CSMD2: variants seen among roughly 807,000 people sequenced by gnomAD.
The protein encoded by CSMD2 is CUB and sushi domain-containing protein 2.
In CSMD2, 130 loss-of-function variants were observed where a neutral mutation model predicts 398.5. The observed-to-expected ratio is 0.33, with a 90% CI of 0.28 to 0.38. The LOEUF is 0.38. CSMD2 is among the 10% of genes least tolerant of loss of function. The probability of loss-of-function intolerance (pLI) is 1.00; values close to 1 mark genes in which losing one functional copy is unlikely to be tolerated. For missense variants in CSMD2, 3,829 were observed against 4,764.9 expected (o/e 0.80, Z 5.78); for synonymous variants, 1,828 against 1,908.5 (o/e 0.96, Z 1.10).
At chr1:33,992,631 G>GGCT (rs756675695) in intron 3 of CSMD2, among the ~76,000 whole-genome samples, 14 of 151,802 alleles carry the variant, frequency 9.2e-5, no homozygotes, top group Non-Finnish European at 1.8e-4. Flanking sequence ...CACTTTGGGA[G>GGCT]GCTGAGGTGG....
intron 3 of CSMD2, among the ~76,000 whole-genome samples, chr1:33,939,866 C>A (rs1644607697): frequency 6.6e-6 from 1 of 152,208 alleles, no homozygotes; most frequent in South Asian, 2.1e-4. Context: ...AATCCCCGAT[C>A]TGGCTGCGCA....
intron 15 of CSMD2, among the ~76,000 whole-genome samples, chr1:33,731,710 T>C (rs1400045272): frequency 6.6e-6 from 1 of 152,188 alleles, no homozygotes; most frequent in East Asian, 1.9e-4. Context: ...TTATAATGTA[T>C]GAAGCTAACA....
chr1:34,059,718 G>GTGAA lies in CSMD2; in HGVS notation c.405-27016_405-27013dup, dbSNP rs146583969. On this transcript the variant is annotated intron_variant, in intron 2 of 70. Coordinates refer to ENST00000373381, the MANE Select transcript of CSMD2 (RefSeq NM_001281956.2). ...CAGTAACTATGTGGGGAATGAATAC[G>GTGAA]TGAATGAATGAATGAATGAATGAAC... 9.2e-3 allele frequency among the ~76,000 whole-genome samples: 1,400 copies of GTGAA among 151,442 alleles called. 17 individuals are homozygous for GTGAA. Among genetic ancestry groups the GTGAA allele is most frequent in the African/African-American group, 0.018 (755 of 41,128 alleles).
In CSMD2 at chr1:33,635,546, C is replaced by T. The variant is rs954893102; in HGVS notation, c.4970-216G>A. Among the ~76,000 whole-genome samples, 1 of 152,204 alleles carries T rather than the reference C, an allele frequency of 6.6e-6. No homozygotes were observed. The highest frequency in any genetic ancestry group is 2.1e-4 in the South Asian group (1 of 4,836). Reference sequence around the variant, plus strand: ...AGCCTGAAACTTGCCCTGAAGCTACCGAGGGCCCTCTTGGGCAGGTGTCAG... The same window carrying T: ...AGCCTGAAACTTGCCCTGAAGCTACTGAGGGCCCTCTTGGGCAGGTGTCAG... On this transcript the variant is annotated intron_variant, in intron 30 of 70. Coordinates refer to ENST00000373381, the MANE Select transcript of CSMD2 (RefSeq NM_001281956.2). This position sits in a 1 kb window ranked among gnomAD's most constrained non-coding sequence, Gnocchi z 5.0.
At chr1:33,761,699 A>C (rs1049944138) in intron 13 of CSMD2, among the ~76,000 whole-genome samples, 16 of 152,112 alleles carry the variant, frequency 1.1e-4, no homozygotes, top group South Asian at 2.1e-4. Flanking sequence ...GAGCATCCTC[A>C]CTCAAGGAGT....
chr1:33,572,867 T>C (rs11577116), intron 49 of CSMD2, among the ~76,000 whole-genome samples, 176 bp from the exon 50 acceptor site: 21 of 113,862 alleles, frequency 1.8e-4, no homozygotes, highest in South Asian at 8.4e-4. Context: ...TTTTCTTCTT[T>C]TTTTTTTTAA....
chr1:33,531,343 G>A (rs1001349688), intron 64 of CSMD2, among the ~76,000 whole-genome samples: 19 of 152,208 alleles, frequency 1.2e-4, no homozygotes, highest in African/African-American at 4.6e-4. Flanking sequence ...GGATGGACAA[G>A]TGTGGGGAAG....
chr1:33,900,444 C>A (rs1642673503), intron 5 of CSMD2, among the ~76,000 whole-genome samples: 1 of 152,198 alleles, frequency 6.6e-6, no homozygotes. Context: ...TATATTACAT[C>A]AGGTTTCTTA....
intron 3 of CSMD2, among the ~76,000 whole-genome samples, chr1:34,011,063 T>C (rs943587864): frequency 2.0e-5 from 3 of 152,126 alleles, no homozygotes; most frequent in African/African-American, 7.2e-5. Context: ...TCCATTTCAC[T>C]CCCATGGTCC....
intron 1 of CSMD2, among the ~76,000 whole-genome samples, chr1:34,144,568 T>C (rs1639594193): frequency 6.6e-6 from 1 of 152,206 alleles, no homozygotes; most frequent in African/African-American, 2.4e-5. Context: ...GGTAACTTCT[T>C]CAATTCAAGA....
chr1:33,861,640 TGGTACTTTGGTCAG>T (rs1182847570), intron 5 of CSMD2, among the ~76,000 whole-genome samples: 1 of 152,188 alleles, frequency 6.6e-6, no homozygotes, highest in Non-Finnish European at 1.5e-5. Context: ...GCTAAAACCA[TGGTACTTTGGTCAG>T]GGTCCCCGCA....
intron 55 of CSMD2, among the ~76,000 whole-genome samples, chr1:33,553,369 G>A (rs1232830841): frequency 6.6e-6 from 1 of 152,080 alleles, no homozygotes; most frequent in African/African-American, 2.4e-5. Flanking sequence ...ATTGTTTTGG[G>A]GCGCCATGAA....
intron 28 of CSMD2, among the ~76,000 whole-genome samples, chr1:33,650,807 C>A (rs1643716854): frequency 1.3e-5 from 2 of 152,150 alleles, no homozygotes; most frequent in Admixed American, 1.3e-4. Flanking sequence ...TCCCACCACC[C>A]CAGAGAGTTC....
At chr1:33,880,152 G>A (rs769372205) in intron 5 of CSMD2, among the ~76,000 whole-genome samples, 50 of 152,182 alleles carry the variant, frequency 3.3e-4, no homozygotes, top group Non-Finnish European at 5.6e-4. Flanking sequence ...TAATGTCATT[G>A]TATAATGCCT....
rs1321815709 is a variant in CSMD2, at chr1:33,624,435, G to A, written c.5625+84C>T. The stretch of plus-strand genomic sequence containing the variant: ...CACCCTGACTCAGGCCTTGGCACCA[G>A]CCAGCACCTGTGGTTGTCACCTGTG... On this transcript the variant is annotated intron_variant, in intron 35 of 70. Coordinates refer to ENST00000373381, the MANE Select transcript of CSMD2 (RefSeq NM_001281956.2). The surrounding 1 kb of genome is among the most constrained non-coding windows in gnomAD (Gnocchi z 4.7). The A allele has an allele frequency of 3.9e-6, 6 of 1,546,094 alleles. No homozygotes were observed. The highest frequency in any genetic ancestry group is 4.4e-6 in the Non-Finnish European group (5 of 1,137,840).
intron 2 of CSMD2, among the ~76,000 whole-genome samples, chr1:34,076,926 AAAATATAT>A (rs1320625298): frequency 9.3e-5 from 9 of 97,142 alleles, no homozygotes; most frequent in African/African-American, 3.0e-4. Context: ...AAAAAAAAAA[AAAATATAT>A]ATATATATAT....
intron 22 of CSMD2, among the ~76,000 whole-genome samples, chr1:33,705,309 C>G (rs1429115960): frequency 7.1e-6 from 1 of 141,538 alleles, no homozygotes; most frequent in Non-Finnish European, 1.6e-5. Context: ...TTATTATTTG[C>G]TATATTCACT....
At chr1:33,550,047 G>A in intron 56 of CSMD2, 130 bp downstream of exon 56, 1 of 863,586 alleles carries the variant, frequency 1.2e-6, no homozygotes, top group South Asian at 1.7e-5. Flanking sequence ...CTACCTGTTA[G>A]GGTAGATATA....
intron 49 of CSMD2, 118 bp from the exon 50 acceptor site, chr1:33,572,809 A>T: frequency 2.8e-6 from 2 of 720,490 alleles, no homozygotes; most frequent in Non-Finnish European, 4.1e-6. Flanking sequence ...TTAAAGGGTA[A>T]AGTATCATAA....
Sources: gnomAD v4.1 joint callset for allele counts (sites outside exome capture counted in the v4.1 genomes callset) on GRCh38, gnomAD v4.1.1 for gene constraint, Gnocchi (gnomAD v3.1) non-coding constraint, MANE v1.5 for transcripts, NCBI Gene and HGNC (gene_info 2026-07-23, HGNC 2026-07-21) for gene names.